ZFPM2: variants seen among roughly 807,000 people sequenced by gnomAD.
ZFPM2 encodes the protein zinc finger protein, FOG family member 2.
In ZFPM2, 20 loss-of-function variants were observed where a neutral mutation model predicts 98.6. That is an observed-to-expected ratio of 0.20 (90% CI 0.14 to 0.29). ZFPM2 has a LOEUF of 0.29. ZFPM2 is among the 10% of genes least tolerant of loss of function. The pLI, the probability that ZFPM2 is intolerant of heterozygous loss-of-function variation, is 1.00. For missense variants in ZFPM2, 1,310 were observed against 1,388.6 expected (o/e 0.94, Z 0.90); for synonymous variants, 518 against 502.7 (o/e 1.03, Z -0.41).
At chr8:105,771,051 G>A (rs1210489678) in intron 5 of ZFPM2, among the ~76,000 whole-genome samples, 1 of 152,154 alleles carries the variant, frequency 6.6e-6, no homozygotes, top group Non-Finnish European at 1.5e-5. Flanking sequence ...TGTTGATAAA[G>A]GAAGAGAAAT....
chr8:105,380,601 T>A (rs539774577), intron 1 of ZFPM2, among the ~76,000 whole-genome samples: 147 of 39,530 alleles, frequency 3.7e-3, no homozygotes, highest in Non-Finnish European at 5.2e-3. Context: ...TATATATATA[T>A]TATATATATA....
rs570606303 is a variant in ZFPM2, at chr8:105,785,868, C to CCAT, written c.533-2848_533-2846dup. ...CCATCCTGGCTAACACGGTGAAACC[C>CCAT]CATCTCTACTAAAAATACAAAAAAT... is the stretch of plus-strand genomic sequence containing the variant. On this transcript the variant is annotated intron_variant, in intron 5 of 7. Transcript: ENST00000407775. Among the ~76,000 whole-genome samples the CCAT allele has an allele frequency of 5.3e-5, 8 of 152,038 alleles. No individual in the cohort carries two copies. In the East Asian group the frequency reaches 1.6e-3, roughly 29 times the overall value.
At position 105,709,529 on chromosome 8, in the gene ZFPM2, C is replaced by T. The variant is rs113250082; in HGVS notation, c.532+75172C>T. On this transcript the variant is annotated intron_variant, in intron 5 of 7. Transcript: ENST00000407775. ...TCCAGATTACACAGCTCAGCTCAAC[C>T]AGATTTTTAAAAAAATGTATGCCAC... Among the ~76,000 whole-genome samples, 891 of 152,106 alleles carry T rather than the reference C, an allele frequency of 5.9e-3. 7 individuals are homozygous for T. The highest frequency in any genetic ancestry group is 0.02 in the African/African-American group (844 of 41,500).
At chr8:105,646,472 T>C (rs991422021) in intron 5 of ZFPM2, among the ~76,000 whole-genome samples, 1 of 152,166 alleles carries the variant, frequency 6.6e-6, no homozygotes, top group Non-Finnish European at 1.5e-5. Context: ...ACTCAGGAAC[T>C]CAGTTATGAA....
chr8:105,799,313 A>G (rs1344319347), intron 7 of ZFPM2, among the ~76,000 whole-genome samples: 1 of 152,204 alleles, frequency 6.6e-6, no homozygotes, highest in African/African-American at 2.4e-5. Context: ...CCTATATGGT[A>G]GGGAAGAAAT....
intron 5 of ZFPM2, among the ~76,000 whole-genome samples, chr8:105,750,352 T>C (rs1812448203): frequency 6.6e-6 from 1 of 152,078 alleles, no homozygotes; most frequent in Admixed American, 6.6e-5. Context: ...GTATGTGTAT[T>C]TTATCTGTGA....
At position 105,802,631 on chromosome 8, in the gene ZFPM2, T is replaced by G. The variant is rs760837809; in HGVS notation, c.2549T>G (p.Leu850Arg). The G allele has an allele frequency of 4.3e-6, 7 of 1,611,066 alleles. No homozygotes were observed. The South Asian group carries it at 7.7e-5, about 18-fold the overall frequency. ...SERTTTSPKR[L>R]LDYHECTVCK... ...CGGACGACCACGTCTCCCAAAAGGC[T>G]GCTGGACTATCACGAGTGCACTGTG... is the stretch of plus-strand genomic sequence containing the variant. The change falls in exon 8 of 8, where the codon CTG becomes CGG. Residue 850 changes from leucine to arginine, a missense_variant. Transcript: ENST00000407775.
At chr8:105,587,918 C>T (rs982463852) in intron 4 of ZFPM2, among the ~76,000 whole-genome samples, 9 of 151,918 alleles carry the variant, frequency 5.9e-5, no homozygotes. Context: ...CCTTGGGGAG[C>T]AAAATTGCCC....
At chr8:105,418,625 C>T (rs774054163) in intron 1 of ZFPM2, 4 of 518,400 alleles carry the variant, frequency 7.7e-6, no homozygotes, top group Non-Finnish European at 1.5e-5. Context: ...TTCTTCAAGC[C>T]TCAAACACAT....
chr8:105,444,377 A>C lies in ZFPM2; in HGVS notation c.297A>C (p.Gly99=). Residue 99 remains glycine (G), a synonymous_variant, in exon 3 of 8, where the codon GGA becomes GGC. Transcript: ENST00000407775. ...GAGTTGAGACAGACGACTGGGATGG[A>C]CCAGGTAGGGGAGAATATTTAAAAT... The part of the protein sequence containing the change: ...QPGVETDDWD[G]PGELEVFQKD... 1 of 1,608,970 alleles carries C rather than the reference A, an allele frequency of 6.2e-7. No individual in the cohort carries two copies. The highest frequency in any genetic ancestry group is 8.5e-7 in the Non-Finnish European group (1 of 1,176,942).
intron 1 of ZFPM2, among the ~76,000 whole-genome samples, chr8:105,344,261 T>C (rs1180593527): frequency 1.3e-5 from 2 of 152,302 alleles, no homozygotes; most frequent in Admixed American, 6.5e-5. Flanking sequence ...ATTATCATTA[T>C]TGTATAAGCA....
intron 1 of ZFPM2, among the ~76,000 whole-genome samples, chr8:105,347,144 C>G (rs1018181878): frequency 7.2e-5 from 11 of 151,914 alleles, no homozygotes; most frequent in Non-Finnish European, 1.5e-4. Flanking sequence ...CCCCGCCCCC[C>G]AAAACCCTTA....
chr8:105,434,916 A>G (rs2130162436), intron 2 of ZFPM2, among the ~76,000 whole-genome samples: 1 of 152,316 alleles, frequency 6.6e-6, no homozygotes, highest in South Asian at 2.1e-4. Context: ...AATGTGGCAA[A>G]TCTTTAATTT....
Position 105,632,955 on chromosome 8 carries a change from A to G in ZFPM2, c.421-1291A>G, listed in dbSNP as rs969003869. Among the ~76,000 whole-genome samples, 3 of 152,164 alleles carry G rather than the reference A, an allele frequency of 2.0e-5. No homozygotes were observed. The East Asian group carries it at 5.8e-4, about 29-fold the overall frequency. On this transcript the variant is annotated intron_variant, in intron 4 of 7. Coordinates refer to ENST00000407775, the MANE Select transcript of ZFPM2 (RefSeq NM_012082.4). ...ATGGTTGATTTTTCCATTAAACAGT[A>G]TATTTTATAGTAGTTTTAACAGTTG... is the stretch of plus-strand genomic sequence containing the variant.
At chr8:105,417,866 C>G (rs1811709553) in intron 1 of ZFPM2, among the ~76,000 whole-genome samples, 1 of 151,998 alleles carries the variant, frequency 6.6e-6, no homozygotes, top group African/African-American at 2.4e-5. Flanking sequence ...AACATTTGCT[C>G]TTTTGAAAAA....
chr8:105,755,768 C>T (rs959823485), intron 5 of ZFPM2, among the ~76,000 whole-genome samples: 1 of 151,936 alleles, frequency 6.6e-6, no homozygotes, highest in African/African-American at 2.4e-5. Context: ...CACCATGATT[C>T]AGTTAAAATT....
chr8:105,552,609 C>T (rs1374645652), intron 3 of ZFPM2, among the ~76,000 whole-genome samples: 1 of 152,070 alleles, frequency 6.6e-6, no homozygotes, highest in Non-Finnish European at 1.5e-5. Flanking sequence ...TAGTCACACT[C>T]CAGGTGAATA....
At position 105,381,774 on chromosome 8, in the gene ZFPM2, T is replaced by C. The variant is rs1229327460; in HGVS notation, c.41-37370T>C. Among the ~76,000 whole-genome samples the C allele has an allele frequency of 1.2e-4, 18 of 152,160 alleles. No homozygotes were observed. The South Asian group carries it at 2.7e-3, about 23-fold the overall frequency. ...TCTGGAAAGCAGCAAAAGTTTGAGCTAGAGAACAACTGAAGCTTCAAGTGT... is the reference window on the plus strand; with the variant it reads ...TCTGGAAAGCAGCAAAAGTTTGAGCCAGAGAACAACTGAAGCTTCAAGTGT... On this transcript the variant is annotated intron_variant, in intron 1 of 7. Coordinates refer to ENST00000407775, the MANE Select transcript of ZFPM2 (RefSeq NM_012082.4).
chr8:105,346,799 T>A (rs570361538), intron 1 of ZFPM2, among the ~76,000 whole-genome samples: 11 of 152,202 alleles, frequency 7.2e-5, no homozygotes, highest in African/African-American at 2.7e-4. Context: ...AGCTCCATTT[T>A]GTCAGTGAAA....
Sources: allele counts gnomAD v4.1 joint callset (sites outside exome capture counted in the v4.1 genomes callset), GRCh38; gene constraint gnomAD v4.1.1; transcripts MANE v1.5; gene names NCBI Gene and HGNC (gene_info 2026-07-23, HGNC 2026-07-21).